GPR39: variants seen among roughly 807,000 people sequenced by gnomAD.
GPR39 encodes the protein zinc sensing receptor.
Under a neutral mutation model 18.4 loss-of-function variants are expected in GPR39, and 23 were observed. That is an observed-to-expected ratio of 1.25 (90% CI 0.90 to 1.77). The LOEUF (loss-of-function observed/expected upper bound fraction) is 1.77, where lower values mean the gene tolerates loss of function less well. GPR39 is among the 40% of genes most tolerant of loss of function. GPR39 has a pLI of 0.00. For synonymous variants in GPR39, 280 were observed against 257.9 expected (o/e 1.09, Z -0.82); for missense variants, 647 against 602.4 (o/e 1.07, Z -0.78).
chr2:132,493,273 G>A (rs1403946043), intron 1 of GPR39, among the ~76,000 whole-genome samples: 4 of 129,448 alleles, frequency 3.1e-5, no homozygotes, highest in South Asian at 2.5e-4. Context: ...TACCATATAT[G>A]TATACCATAT....
chr2:132,625,839 G>A (rs1055608250), intron 1 of GPR39, among the ~76,000 whole-genome samples: 1 of 152,294 alleles, frequency 6.6e-6, no homozygotes. Flanking sequence ...CTGGCTGGGT[G>A]CAGTGGCTCA....
chr2:132,622,239 C>T (rs1008643924), intron 1 of GPR39, among the ~76,000 whole-genome samples: 1 of 152,094 alleles, frequency 6.6e-6, no homozygotes, highest in Admixed American at 6.5e-5. Flanking sequence ...CCTACAAATA[C>T]AAAATTTAGC....
chr2:132,514,379 T>C (rs1321976300), intron 1 of GPR39, among the ~76,000 whole-genome samples: 6 of 152,204 alleles, frequency 3.9e-5, no homozygotes, highest in Admixed American at 6.5e-5. Context: ...CACACCAAGT[T>C]GGACCCCTTG....
intron 1 of GPR39, among the ~76,000 whole-genome samples, chr2:132,511,490 G>A (rs1679240801): frequency 6.6e-6 from 1 of 152,238 alleles, no homozygotes; most frequent in South Asian, 2.1e-4. Flanking sequence ...ATGACAAAAT[G>A]GTTTTTAAAA....
chr2:132,611,049 C>G lies in GPR39; in HGVS notation c.857-34052C>G, dbSNP rs141458839. On this transcript the variant is annotated intron_variant, in intron 1 of 1. Coordinates refer to ENST00000329321, the MANE Select transcript of GPR39 (RefSeq NM_001508.3). ...CTGAGAAATGTGGTCTCCCTATGGT[C>G]CAGTCAGCCATTTCTGCCACACTAT... is the stretch of plus-strand genomic sequence containing the variant. 2.2e-3 allele frequency among the ~76,000 whole-genome samples: 336 copies of G among 152,308 alleles called. 3 individuals are homozygous for G. The highest frequency in any genetic ancestry group is 0.016 in the Admixed American group (247 of 15,306).
chr2:132,644,353 G>T (rs1681941162), intron 1 of GPR39, among the ~76,000 whole-genome samples: 1 of 152,208 alleles, frequency 6.6e-6, no homozygotes, highest in African/African-American at 2.4e-5. Context: ...GTGCTGCAAA[G>T]GAAGGGAACA....
In GPR39 at chr2:132,573,641, C is replaced by A. The variant is rs147433628; in HGVS notation, c.857-71460C>A. On this transcript the variant is annotated intron_variant, in intron 1 of 1. Coordinates refer to ENST00000329321, the MANE Select transcript of GPR39 (RefSeq NM_001508.3). Reference sequence around the variant, plus strand: ...TTTTCCTTTGAACTTCAAGATCCATCCCCCTGGGTCCCTCCCATCTGATGG... The same window carrying A: ...TTTTCCTTTGAACTTCAAGATCCATACCCCTGGGTCCCTCCCATCTGATGG... 3.0e-4 allele frequency among the ~76,000 whole-genome samples: 46 copies of A among 152,146 alleles called. No individual in the cohort carries two copies. In the East Asian group the frequency reaches 8.7e-3, roughly 29 times the overall value.
At chr2:132,443,316 A>T (rs1298022289) in intron 1 of GPR39, among the ~76,000 whole-genome samples, 1 of 151,734 alleles carries the variant, frequency 6.6e-6, no homozygotes, top group African/African-American at 2.4e-5. Flanking sequence ...TAAAGTACAG[A>T]TGGTACCTGA....
chr2:132,624,386 A>G (rs991922496), intron 1 of GPR39, among the ~76,000 whole-genome samples: 1 of 152,214 alleles, frequency 6.6e-6, no homozygotes, highest in African/African-American at 2.4e-5. Flanking sequence ...GTGGTTAGAG[A>G]TGCAACATAT....
At chr2:132,618,373 T>C (rs4953985) in intron 1 of GPR39, among the ~76,000 whole-genome samples, 40,242 of 152,144 alleles carry the variant, frequency 0.26, 5,379 homozygotes, top group East Asian at 0.34. Context: ...GGCTATATTA[T>C]AATTTTGAGT....
chr2:132,541,969 G>T (rs893398632), intron 1 of GPR39, among the ~76,000 whole-genome samples: 6 of 152,200 alleles, frequency 3.9e-5, no homozygotes, highest in Admixed American at 2.6e-4. Context: ...ATGGCATCTT[G>T]CTATGTCCTC....
chr2:132,429,076 C>G (rs1680178566), intron 1 of GPR39, among the ~76,000 whole-genome samples: 1 of 152,192 alleles, frequency 6.6e-6, no homozygotes, highest in African/African-American at 2.4e-5. Flanking sequence ...CTGACCAGAG[C>G]ACTAGGGCCA....
At chr2:132,506,611 C>G (rs1034490933) in intron 1 of GPR39, among the ~76,000 whole-genome samples, 3 of 152,114 alleles carry the variant, frequency 2.0e-5, no homozygotes, top group African/African-American at 7.2e-5. Context: ...CTTCACAGGG[C>G]AGCAGGAGAG....
At chr2:132,432,336 C>A (rs1280126610) in intron 1 of GPR39, among the ~76,000 whole-genome samples, 3 of 152,112 alleles carry the variant, frequency 2.0e-5, no homozygotes. Context: ...GACACAAACC[C>A]CATGAGGGAT....
At chr2:132,614,597 C>T (rs558661012) in intron 1 of GPR39, among the ~76,000 whole-genome samples, 1 of 151,394 alleles carries the variant, frequency 6.6e-6, no homozygotes, top group Non-Finnish European at 1.5e-5. Context: ...GTTGCCCAGG[C>T]TGGAATGCAG....
At chr2:132,428,146 G>C (rs1680162416) in intron 1 of GPR39, among the ~76,000 whole-genome samples, 1 of 151,832 alleles carries the variant, frequency 6.6e-6, no homozygotes, top group South Asian at 2.1e-4. Flanking sequence ...TGTTAGACCT[G>C]GGGTTTTCCT....
chr2:132,499,477 G>T (rs1329637915), intron 1 of GPR39, among the ~76,000 whole-genome samples: 1 of 152,048 alleles, frequency 6.6e-6, no homozygotes, highest in East Asian at 1.9e-4. Context: ...AAGTTGGGGG[G>T]TGTGATACCT....
chr2:132,430,923 C>G (rs10185320), intron 1 of GPR39, among the ~76,000 whole-genome samples: 3 of 152,024 alleles, frequency 2.0e-5, no homozygotes, highest in Non-Finnish European at 4.4e-5. Context: ...CTCTTATATC[C>G]CTGGACTTCC....
intron 1 of GPR39, among the ~76,000 whole-genome samples, chr2:132,541,197 A>G (rs1459564407): frequency 6.6e-6 from 1 of 151,230 alleles, no homozygotes; most frequent in Non-Finnish European, 1.5e-5. Flanking sequence ...GATTCTCTCA[A>G]CTCAGCCTCC....
Sources: gnomAD v4.1 joint callset for allele counts (sites outside exome capture counted in the v4.1 genomes callset) on GRCh38, gnomAD v4.1.1 for gene constraint, MANE v1.5 for transcripts, NCBI Gene and HGNC (gene_info 2026-07-23, HGNC 2026-07-21) for gene names.